The following CDH12 variants were observed in gnomAD, a reference collection of about 807,000 sequenced individuals.
CDH12 encodes the protein cadherin-12.
A neutral mutation model predicts 74.1 loss-of-function variants in CDH12; 41 were observed. That is an observed-to-expected ratio of 0.55 (90% CI 0.43 to 0.72). The LOEUF is 0.72. Ranked by LOEUF, CDH12 falls within the 30% of genes least tolerant of loss-of-function variation. CDH12 has a pLI of 0.00. For synonymous variants in CDH12, 399 were observed against 355.0 expected (o/e 1.12, Z -1.39); for missense variants, 945 against 977.2 (o/e 0.97, Z 0.44).
intron 3 of CDH12, among the ~76,000 whole-genome samples, chr5:22,390,769 T>G (rs1742214483): frequency 6.6e-6 from 1 of 152,176 alleles, no homozygotes; most frequent in Admixed American, 6.5e-5. Context: ...CTAACTTGCA[T>G]GAAAAACATC....
chr5:21,785,470 A>G (rs1181344766), intron 10 of CDH12, among the ~76,000 whole-genome samples: 4 of 152,246 alleles, frequency 2.6e-5, no homozygotes, highest in African/African-American at 9.6e-5. Flanking sequence ...CTCTCATGCC[A>G]AACAGCCAAG....
chr5:22,040,663 G>A (rs1739513947), intron 5 of CDH12, among the ~76,000 whole-genome samples: 2 of 152,114 alleles, frequency 1.3e-5, no homozygotes, highest in Non-Finnish European at 2.9e-5. Flanking sequence ...TATTTAAAGT[G>A]CTGAAAGATA....
chr5:22,052,658 T>G (rs150411340), intron 5 of CDH12, among the ~76,000 whole-genome samples: 22 of 152,302 alleles, frequency 1.4e-4, no homozygotes, highest in African/African-American at 5.3e-4. Flanking sequence ...ATTAAAAACT[T>G]GTTTTGACAA....
At chr5:22,585,569 C>G (rs1370558938) in intron 1 of CDH12, among the ~76,000 whole-genome samples, 1 of 152,080 alleles carries the variant, frequency 6.6e-6, no homozygotes, top group Non-Finnish European at 1.5e-5. Context: ...TCATTCTAAT[C>G]TCTATGTCTC....
chr5:22,069,911 G>A (rs189679021), intron 5 of CDH12, among the ~76,000 whole-genome samples: 2 of 152,222 alleles, frequency 1.3e-5, no homozygotes, highest in Admixed American at 1.3e-4. Context: ...TTAAGGTTTT[G>A]TCTCCCCACA....
Position 22,317,547 on chromosome 5 carries a change from T to G in CDH12, c.-333+87710A>C, listed in dbSNP as rs566303133. On this transcript the variant is annotated intron_variant, in intron 3 of 14. Transcript: ENST00000382254. ...GACAAAGTGATAGAATGTCATATAC[T>G]AGTAGTTTTTGTTAATTTGATTGTA... is the stretch of plus-strand genomic sequence containing the variant. Among the ~76,000 whole-genome samples the G allele has an allele frequency of 1.8e-3, 268 of 152,294 alleles. 2 individuals carry two copies. The highest frequency in any genetic ancestry group is 3.4e-3 in the Middle Eastern group (1 of 294).
At chr5:22,822,710 A>G (rs1355110450) in intron 1 of CDH12, among the ~76,000 whole-genome samples, 1 of 152,120 alleles carries the variant, frequency 6.6e-6, no homozygotes, top group Non-Finnish European at 1.5e-5. Flanking sequence ...TCAGAATGGC[A>G]ATCATTAAAA....
At chr5:22,506,465 C>T (rs1736391334) in intron 1 of CDH12, among the ~76,000 whole-genome samples, 1 of 152,068 alleles carries the variant, frequency 6.6e-6, no homozygotes, top group Non-Finnish European at 1.5e-5. Context: ...TTCAATTAGC[C>T]TCTATGTCTT....
intron 7 of CDH12, among the ~76,000 whole-genome samples, chr5:21,853,890 T>A (rs6452008): frequency 0.97 from 147,454 of 151,712 alleles, 71,748 homozygotes; most frequent in Non-Finnish European, 1. Context: ...AGTGTATAAG[T>A]ATTGACAAAA....
Position 22,235,828 on chromosome 5 carries a change from G to A in CDH12, c.-332-23185C>T, listed in dbSNP as rs570643263. On this transcript the variant is annotated intron_variant, in intron 3 of 14. Transcript: ENST00000382254. ...AGGGATATGTTCTGAGAACTTCATC[G>A]TTAGGCAATTTCTTCATTGGGTGAA... Among the ~76,000 whole-genome samples the A allele has an allele frequency of 3.3e-5, 5 of 152,238 alleles. No individual in the cohort carries two copies. In the South Asian group the frequency reaches 1.0e-3, roughly 32 times the overall value.
intron 3 of CDH12, among the ~76,000 whole-genome samples, chr5:22,290,041 A>G (rs1002883193): frequency 1.3e-5 from 2 of 152,204 alleles, no homozygotes; most frequent in Non-Finnish European, 2.9e-5. Context: ...TCCCAGTGCC[A>G]CAACTGCTAC....
chr5:22,699,679 T>A (rs1383030793), intron 1 of CDH12, among the ~76,000 whole-genome samples: 1 of 152,112 alleles, frequency 6.6e-6, no homozygotes, highest in African/African-American at 2.4e-5. Flanking sequence ...AACTCACAAA[T>A]GTACATGTAA....
intron 6 of CDH12, among the ~76,000 whole-genome samples, chr5:21,922,119 G>A (rs6452033): frequency 0.74 from 112,795 of 152,034 alleles, 44,625 homozygotes; most frequent in East Asian, 0.93. Context: ...TACATTTGGT[G>A]TCATTTGCCC....
intron 4 of CDH12, among the ~76,000 whole-genome samples, chr5:22,106,770 A>G (rs1744469073): frequency 6.6e-6 from 1 of 152,240 alleles, no homozygotes. Context: ...CTCTGTATCC[A>G]TCAAGTAATA....
chr5:22,479,172 A>T (rs1746289556), intron 2 of CDH12, among the ~76,000 whole-genome samples: 1 of 152,220 alleles, frequency 6.6e-6, no homozygotes, highest in Non-Finnish European at 1.5e-5. Context: ...GTTTCAGATA[A>T]AACTGCTGAA....
At chr5:22,414,627 A>G (rs1743304006) in intron 2 of CDH12, among the ~76,000 whole-genome samples, 1 of 151,920 alleles carries the variant, frequency 6.6e-6, no homozygotes, top group Non-Finnish European at 1.5e-5. Context: ...TATTTCAGGT[A>G]ATTTATATAT....
intron 4 of CDH12, among the ~76,000 whole-genome samples, chr5:22,171,852 T>A (rs1264348335): frequency 6.6e-6 from 1 of 151,970 alleles, no homozygotes; most frequent in East Asian, 1.9e-4. Flanking sequence ...CTTGCTGATC[T>A]ATCTTTTTAA....
intron 2 of CDH12, among the ~76,000 whole-genome samples, chr5:22,500,047 G>C (rs1747272440): frequency 6.6e-6 from 1 of 152,048 alleles, no homozygotes; most frequent in African/African-American, 2.4e-5. Flanking sequence ...TTCCTGCACT[G>C]TCTTGGCATT....
chr5:21,811,234 C>A (rs1747728495), intron 9 of CDH12, among the ~76,000 whole-genome samples: 6 of 152,044 alleles, frequency 3.9e-5, no homozygotes, highest in Admixed American at 3.9e-4. Flanking sequence ...GAAATAACTT[C>A]ACCACTCTTC....
Sources: gnomAD v4.1 joint callset for allele counts (sites outside exome capture counted in the v4.1 genomes callset) on GRCh38, gnomAD v4.1.1 for gene constraint, MANE v1.5 for transcripts, NCBI Gene and HGNC (gene_info 2026-07-23, HGNC 2026-07-21) for gene names.